CAMK1D: variants seen among roughly 807,000 people sequenced by gnomAD.
CAMK1D encodes calcium/calmodulin-dependent protein kinase type 1D.
CAMK1D carries 9 observed loss-of-function variants against 47.7 expected under a neutral mutation model. The ratio of observed to expected loss-of-function variants is 0.19; its 90% CI spans 0.11 to 0.33. The LOEUF (loss-of-function observed/expected upper bound fraction) is 0.33. Ranked by LOEUF, CAMK1D falls within the 10% of genes least tolerant of loss-of-function variation. The pLI, the probability that CAMK1D is intolerant of heterozygous loss-of-function variation, is 1.00. For missense variants in CAMK1D, 291 were observed against 488.7 expected (o/e 0.60, Z 3.81); for synonymous variants, 184 against 184.9 (o/e 0.99, Z 0.04).
At chr10:12,595,342 G>GACAAAA (rs1554794319) in intron 2 of CAMK1D, among the ~76,000 whole-genome samples, 1 of 23,554 alleles carries the variant, frequency 4.2e-5, no homozygotes, top group Non-Finnish European at 7.0e-5. Flanking sequence ...AACTCCATCT[G>GACAAAA]AAAAAAAAAA....
At chr10:12,465,616 C>T (rs2815608) in intron 1 of CAMK1D, among the ~76,000 whole-genome samples, 2 of 152,024 alleles carry the variant, frequency 1.3e-5, no homozygotes, top group African/African-American at 2.4e-5. Context: ...TGGCCTCCCA[C>T]AGTGCTGGGA....
chr10:12,786,840 C>T (rs977111607), intron 5 of CAMK1D, among the ~76,000 whole-genome samples: 10 of 152,180 alleles, frequency 6.6e-5, no homozygotes, highest in African/African-American at 2.4e-4. Context: ...CTAAACATCT[C>T]GGCTGGGAAT....
intron 3 of CAMK1D, among the ~76,000 whole-genome samples, chr10:12,714,800 ACACAC>A (rs1834062814): frequency 6.7e-6 from 1 of 149,884 alleles, no homozygotes; most frequent in Non-Finnish European, 1.5e-5. Context: ...ACACACACAC[ACACAC>A]AATGTCTGAT....
At chr10:12,656,836 G>A (rs1464860220) in intron 2 of CAMK1D, among the ~76,000 whole-genome samples, 1 of 151,844 alleles carries the variant, frequency 6.6e-6, no homozygotes, top group Non-Finnish European at 1.5e-5. Flanking sequence ...TATGTTACAT[G>A]TGTGTGTGTA....
intron 3 of CAMK1D, among the ~76,000 whole-genome samples, chr10:12,699,296 G>A (rs146930105): frequency 4.1e-4 from 62 of 152,228 alleles, no homozygotes; most frequent in African/African-American, 1.2e-3. Context: ...GCTGTTGACC[G>A]GTCTGCTTTT....
At chr10:12,352,222 T>G (rs1433899280) in intron 1 of CAMK1D, among the ~76,000 whole-genome samples, 1 of 152,258 alleles carries the variant, frequency 6.6e-6, no homozygotes, top group Non-Finnish European at 1.5e-5. Flanking sequence ...CATACAGGGT[T>G]GACACACTTT....
chr10:12,482,498 A>T (rs1588537722), intron 1 of CAMK1D, among the ~76,000 whole-genome samples: 1 of 151,854 alleles, frequency 6.6e-6, no homozygotes, highest in East Asian at 1.9e-4. Context: ...GAATAATAGA[A>T]TTTTTTTTTC....
At chr10:12,627,396 A>G (rs2132457135) in intron 2 of CAMK1D, among the ~76,000 whole-genome samples, 1 of 152,200 alleles carries the variant, frequency 6.6e-6, no homozygotes, top group African/African-American at 2.4e-5. Flanking sequence ...ATGGGTTATA[A>G]TTTATATATA....
chr10:12,423,024 T>G (rs1440833704), intron 1 of CAMK1D, among the ~76,000 whole-genome samples: 1 of 152,148 alleles, frequency 6.6e-6, no homozygotes, highest in Non-Finnish European at 1.5e-5. Context: ...TTGTTTCTTT[T>G]GGGGAGGGTT....
chr10:12,388,731 C>T (rs1005883839), intron 1 of CAMK1D, among the ~76,000 whole-genome samples: 1 of 152,154 alleles, frequency 6.6e-6, no homozygotes, highest in Non-Finnish European at 1.5e-5. Flanking sequence ...TCCGTCATTA[C>T]CTGGGGCTAG....
chr10:12,817,475 G>C (rs1445871547), intron 8 of CAMK1D, among the ~76,000 whole-genome samples: 3 of 152,142 alleles, frequency 2.0e-5, no homozygotes, highest in African/African-American at 7.2e-5. Context: ...CCTTGCTTTT[G>C]TGCCACTAAT....
intron 6 of CAMK1D, among the ~76,000 whole-genome samples, chr10:12,809,489 C>A (rs1225583110): frequency 6.6e-6 from 1 of 152,190 alleles, no homozygotes; most frequent in African/African-American, 2.4e-5. Context: ...GCTAAGTGTC[C>A]ATGAACATAT....
At chr10:12,547,936 G>A (rs971977867) in intron 1 of CAMK1D, among the ~76,000 whole-genome samples, 23 of 152,222 alleles carry the variant, frequency 1.5e-4, no homozygotes, top group Admixed American at 3.9e-4. Context: ...TGATAAAGCA[G>A]CTGGATGTGC....
intron 1 of CAMK1D, among the ~76,000 whole-genome samples, chr10:12,479,917 C>A (rs1228327268): frequency 6.6e-6 from 1 of 152,302 alleles, no homozygotes; most frequent in African/African-American, 2.4e-5. Context: ...TCAACGACGT[C>A]CTGGATACAT....
chr10:12,594,084 G>A (rs917029062), intron 2 of CAMK1D, among the ~76,000 whole-genome samples: 2 of 152,212 alleles, frequency 1.3e-5, no homozygotes, highest in African/African-American at 4.8e-5. Context: ...GCTGAGGCAG[G>A]AGAATCACTT....
intron 1 of CAMK1D, among the ~76,000 whole-genome samples, chr10:12,388,841 G>C (rs374100095): frequency 2.0e-5 from 3 of 152,158 alleles, no homozygotes; most frequent in African/African-American, 7.2e-5. Flanking sequence ...GATGCAGCAC[G>C]AATGTGATTT....
chr10:12,549,190 C>T (rs555525579), intron 1 of CAMK1D, among the ~76,000 whole-genome samples: 17 of 152,290 alleles, frequency 1.1e-4, no homozygotes, highest in African/African-American at 2.6e-4. Flanking sequence ...ATGGAAACTC[C>T]GTCCCCATTA....
intron 1 of CAMK1D, among the ~76,000 whole-genome samples, chr10:12,386,771 C>T (rs941638151): frequency 6.6e-6 from 1 of 152,160 alleles, no homozygotes; most frequent in Non-Finnish European, 1.5e-5. Context: ...TTTTCTCCTT[C>T]TTGCCTTGCT....
At chr10:12,537,924 A>G (rs1312535954) in intron 1 of CAMK1D, among the ~76,000 whole-genome samples, 2 of 152,170 alleles carry the variant, frequency 1.3e-5, no homozygotes, top group Non-Finnish European at 2.9e-5. Flanking sequence ...GAATTCTTCA[A>G]GGAACCCAGA....
Sources: gnomAD v4.1 joint callset for allele counts (sites outside exome capture counted in the v4.1 genomes callset) on GRCh38, gnomAD v4.1.1 for gene constraint, MANE v1.5 for transcripts, NCBI Gene and HGNC (gene_info 2026-07-23, HGNC 2026-07-21) for gene names.